Variants in BABAM2 observed in about 807,000 individuals in gnomAD.
BABAM2 encodes BRISC and BRCA1 A complex member 2, also known as BRISC and BRCA1-A complex member 2.
Under a neutral mutation model 54.7 loss-of-function variants are expected in BABAM2, and 31 were observed. The observed-to-expected ratio is 0.57, with a 90% CI of 0.43 to 0.77. BABAM2 has a LOEUF of 0.77. Ranked by LOEUF, BABAM2 falls within the 30% of genes least tolerant of loss-of-function variation. BABAM2 has a pLI of 0.00. For missense variants in BABAM2, 364 were observed against 455.8 expected (o/e 0.80, Z 1.83); for synonymous variants, 167 against 162.9 (o/e 1.03, Z -0.19).
intron 6 of BABAM2, among the ~76,000 whole-genome samples, chr2:28,101,409 T>C (rs1015363989): frequency 6.6e-6 from 1 of 152,234 alleles, no homozygotes; most frequent in Admixed American, 6.5e-5. Flanking sequence ...GGCAGGTATA[T>C]GTTGGCATGT....
chr2:28,315,693 A>C lies in BABAM2; in HGVS notation c.1088+17202A>C, dbSNP rs1259073448. The stretch of plus-strand genomic sequence containing the variant: ...TTTTTTTTAGAGGTGGAGTCTCACT[A>C]TGTTGCCCAGGCTGGTCTTTAACTC... On this transcript the variant is annotated intron_variant, in intron 11 of 11. Transcript: ENST00000379624. 2.7e-5 allele frequency among the ~76,000 whole-genome samples: 4 copies of C among 149,910 alleles called. No individual in the cohort carries two copies. The South Asian group carries it at 8.4e-4, about 32-fold the overall frequency.
intron 10 of BABAM2, among the ~76,000 whole-genome samples, chr2:28,258,610 C>CTT (rs1558478910): frequency 7.6e-5 from 2 of 26,282 alleles, no homozygotes; most frequent in South Asian, 3.8e-3. Context: ...TTTCTTTTTT[C>CTT]TTTTCTTTTT....
intron 11 of BABAM2, among the ~76,000 whole-genome samples, chr2:28,311,589 C>G (rs1186766943): frequency 2.0e-5 from 3 of 152,158 alleles, no homozygotes; most frequent in African/African-American, 7.2e-5. Context: ...GTCAAGTGAC[C>G]TGGGTCTCAT....
intron 7 of BABAM2, among the ~76,000 whole-genome samples, chr2:28,193,817 A>C (rs1052058639): frequency 6.6e-6 from 1 of 152,084 alleles, no homozygotes; most frequent in African/African-American, 2.4e-5. Flanking sequence ...CCATTAATTT[A>C]GTCAACAGAT....
At chr2:27,890,269 G>A (rs1275545320), upstream of BABAM2, 1 of 1,613,766 alleles carries the variant, frequency 6.2e-7, no homozygotes, top group Non-Finnish European at 8.5e-7. The surrounding 1 kb of genome is among the most constrained non-coding windows in gnomAD (Gnocchi z 4.8). Flanking sequence ...GACCAGGTCG[G>A]TCATGCAGGA....
intron 6 of BABAM2, among the ~76,000 whole-genome samples, chr2:28,058,190 G>A (rs965949755): frequency 6.6e-6 from 1 of 151,976 alleles, no homozygotes; most frequent in East Asian, 1.9e-4. Flanking sequence ...TTTTTAGGTG[G>A]CAACAGTAGC....
intron 7 of BABAM2, among the ~76,000 whole-genome samples, chr2:28,215,216 T>A (rs1354162288): frequency 2.6e-5 from 4 of 152,124 alleles, no homozygotes; most frequent in Admixed American, 1.3e-4. Context: ...GGATTAGGAG[T>A]GTGCACTTTG....
intron 6 of BABAM2, among the ~76,000 whole-genome samples, chr2:28,073,838 G>A (rs111539635): frequency 3.9e-5 from 6 of 152,046 alleles, no homozygotes; most frequent in African/African-American, 1.4e-4. Flanking sequence ...GAGTGGGGGA[G>A]GTACTCTTAC....
intron 3 of BABAM2, among the ~76,000 whole-genome samples, chr2:27,954,692 A>C (rs1175280529): frequency 2.6e-5 from 4 of 152,218 alleles, no homozygotes; most frequent in Non-Finnish European, 5.9e-5. Context: ...AAGCCGACCA[A>C]ATATCACGTT....
At chr2:27,895,513 A>G (rs575932817) in intron 2 of BABAM2, among the ~76,000 whole-genome samples, 10 of 152,310 alleles carry the variant, frequency 6.6e-5, no homozygotes, top group Non-Finnish European at 8.8e-5. Flanking sequence ...ACCATCCTCA[A>G]TGCATCAGAT....
At chr2:28,298,293 T>G (rs1687853187) in intron 10 of BABAM2, 45 bp from the exon 11 acceptor site, 4 of 1,578,964 alleles carry the variant, frequency 2.5e-6, no homozygotes, top group Non-Finnish European at 3.4e-6. Context: ...AATCTTAAGA[T>G]GTGTTTATGC....
chr2:28,174,197 G>C (rs1674666364), intron 7 of BABAM2, among the ~76,000 whole-genome samples: 1 of 152,132 alleles, frequency 6.6e-6, no homozygotes, highest in African/African-American at 2.4e-5. Flanking sequence ...GTAGCTTTCT[G>C]TAGGACTGTG....
At chr2:28,020,704 T>C (rs1675180917) in intron 4 of BABAM2, among the ~76,000 whole-genome samples, 2 of 152,176 alleles carry the variant, frequency 1.3e-5, no homozygotes, top group South Asian at 4.1e-4. Flanking sequence ...TGTATAAACA[T>C]ACTGTAATAG....
intron 10 of BABAM2, among the ~76,000 whole-genome samples, chr2:28,290,202 G>T (rs906120980): frequency 1.3e-5 from 2 of 152,200 alleles, no homozygotes; most frequent in Admixed American, 1.3e-4. Context: ...TCCTGTGAAA[G>T]AATAGGCACA....
intron 6 of BABAM2, among the ~76,000 whole-genome samples, chr2:28,049,594 G>A (rs1284027410): frequency 1.3e-5 from 2 of 152,184 alleles, no homozygotes; most frequent in Non-Finnish European, 2.9e-5. Flanking sequence ...ACACTACAGC[G>A]AAATTAATTG....
chr2:28,021,424 A>G (rs1459036121), intron 4 of BABAM2, among the ~76,000 whole-genome samples: 1 of 152,154 alleles, frequency 6.6e-6, no homozygotes, highest in Non-Finnish European at 1.5e-5. Flanking sequence ...AAGATCTCAT[A>G]ATATAGGCTG....
chr2:28,228,824 T>A (rs1681117927), intron 7 of BABAM2, among the ~76,000 whole-genome samples: 1 of 152,204 alleles, frequency 6.6e-6, no homozygotes, highest in South Asian at 2.1e-4. Context: ...ATCCTGATGG[T>A]GGACATCTGT....
intron 2 of BABAM2, chr2:27,896,198 A>C (rs1472178506): frequency 6.5e-6 from 1 of 152,712 alleles, no homozygotes; most frequent in East Asian, 1.9e-4. Flanking sequence ...TGATATGGAC[A>C]AAGATGCAGC....
At chr2:28,270,459 G>A (rs534712134) in intron 10 of BABAM2, among the ~76,000 whole-genome samples, 1 of 152,312 alleles carries the variant, frequency 6.6e-6, no homozygotes, top group South Asian at 2.1e-4. Flanking sequence ...CTTTAAAAAG[G>A]AGCAGGCCTA....
Sources: allele counts gnomAD v4.1 joint callset (sites outside exome capture counted in the v4.1 genomes callset), GRCh38; gene constraint gnomAD v4.1.1; non-coding constraint Gnocchi (gnomAD v3.1); transcripts MANE v1.5; gene names NCBI Gene and HGNC (gene_info 2026-07-23, HGNC 2026-07-21).